PRKN: variants seen among roughly 807,000 people sequenced by gnomAD.
PRKN encodes E3 ubiquitin-protein ligase parkin.
Under a neutral mutation model 59.5 loss-of-function variants are expected in PRKN, and 56 were observed. The ratio of observed to expected loss-of-function variants is 0.94; its 90% confidence interval spans 0.76 to 1.18. PRKN has a LOEUF of 1.18. Ranked by LOEUF, PRKN falls within the 50% of genes most tolerant of loss-of-function variation. The probability of loss-of-function intolerance (pLI) is 0.00; values close to 1 mark genes in which losing one functional copy is unlikely to be tolerated. For missense variants in PRKN, 657 were observed against 596.4 expected (o/e 1.10, Z -1.06); for synonymous variants, 250 against 222.1 (o/e 1.13, Z -1.12).
chr6:162,310,210 C>G (rs988447428), intron 2 of PRKN, among the ~76,000 whole-genome samples: 1 of 152,136 alleles, frequency 6.6e-6, no homozygotes, highest in Non-Finnish European at 1.5e-5. Flanking sequence ...GGATACTTCC[C>G]TCATGTCACA....
chr6:161,956,044 C>A (rs1017247261), intron 6 of PRKN, among the ~76,000 whole-genome samples: 1 of 152,130 alleles, frequency 6.6e-6, no homozygotes. Flanking sequence ...CCTACAATAT[C>A]CCCCTTTCAG....
rs190792895 is a variant in PRKN, at chr6:161,490,556, A to G, written c.1083+58298T>C. On this transcript the variant is annotated intron_variant, in intron 9 of 11. Coordinates refer to ENST00000366898, the MANE Select transcript of PRKN (RefSeq NM_004562.3). ...CAGGCAGGCACCACCACGCTCAGCT[A>G]ATTTTTGTATTTTTAGTAGAGATGG... is the stretch of plus-strand genomic sequence containing the variant. Among the ~76,000 whole-genome samples, 824 of 151,834 alleles carry G rather than the reference A, an allele frequency of 5.4e-3. 9 individuals are homozygous for G. The highest frequency in any genetic ancestry group is 0.024 in the Middle Eastern group (7 of 294).
intron 1 of PRKN, among the ~76,000 whole-genome samples, chr6:162,607,314 C>T (rs1034470141): frequency 2.0e-5 from 3 of 152,140 alleles, no homozygotes; most frequent in African/African-American, 7.2e-5. Context: ...GAGCTTGTGT[C>T]ACCAAAGCCT....
At chr6:162,224,926 T>C (rs923264596) in intron 3 of PRKN, among the ~76,000 whole-genome samples, 11 of 152,214 alleles carry the variant, frequency 7.2e-5, no homozygotes, top group Admixed American at 2.0e-4. Context: ...CCTGGGTTAG[T>C]GGTACCCGAA....
chr6:162,720,033 A>G (rs879697330), intron 1 of PRKN, among the ~76,000 whole-genome samples: 1 of 152,168 alleles, frequency 6.6e-6, no homozygotes, highest in Non-Finnish European at 1.5e-5. Flanking sequence ...GATCTGGAAA[A>G]TGGATCTACT....
Position 161,696,581 on chromosome 6 carries a change from G to A in PRKN, c.871+89191C>T, listed in dbSNP as rs370353879. Among the ~76,000 whole-genome samples the A allele has an allele frequency of 1.9e-3, 291 of 152,250 alleles. 1 individual carries two copies. The highest frequency in any genetic ancestry group is 2.2e-3 in the Non-Finnish European group (149 of 68,012). ...TTTAGTGGTCAACTTGGAGGCTAAC[G>A]TTGGTCTTTCTATTTCTGTAACAGC... On this transcript the variant is annotated intron_variant, in intron 7 of 11. Transcript: ENST00000366898.
At chr6:161,944,099 A>G (rs926140406) in intron 6 of PRKN, among the ~76,000 whole-genome samples, 2 of 134,002 alleles carry the variant, frequency 1.5e-5, no homozygotes, top group African/African-American at 3.1e-5. Context: ...CTGAGGGATC[A>G]GCCTGAGGAA....
In PRKN at chr6:161,785,854, A is replaced by C; in HGVS notation, c.789T>G (p.Cys263Trp). Residue 263 changes from cysteine to tryptophan, a missense_variant, in exon 7 of 12, where the codon TGT becomes TGG. Coordinates refer to ENST00000366898, the MANE Select transcript of PRKN (RefSeq NM_004562.3). ...GTCTTGTCACACAGTATAAGTGGAA[A>C]CAGTCTAAGCAAATCACGTGGCGGG... The part of the protein sequence containing the change: ...CNSRHVICLD[C>W]FHLYCVTRLN... The C allele has an allele frequency of 6.2e-7, 1 of 1,614,194 alleles. No individual in the cohort carries two copies. Among genetic ancestry groups the C allele is most frequent in the Non-Finnish European group, 8.5e-7 (1 of 1,180,000 alleles).
At chr6:162,246,318 C>T (rs1198135828) in intron 3 of PRKN, among the ~76,000 whole-genome samples, 1 of 152,144 alleles carries the variant, frequency 6.6e-6, no homozygotes, top group Non-Finnish European at 1.5e-5. Flanking sequence ...TGAGAGGAAA[C>T]GGAGAAGACG....
chr6:162,006,858 G>C (rs7768986), intron 5 of PRKN, among the ~76,000 whole-genome samples: 84,902 of 151,842 alleles, frequency 0.56, 23,890 homozygotes, highest in Admixed American at 0.62. Context: ...GACATACTGC[G>C]CCCAATGAAC....
At chr6:162,321,349 T>A (rs952230010) in intron 2 of PRKN, among the ~76,000 whole-genome samples, 4 of 151,908 alleles carry the variant, frequency 2.6e-5, no homozygotes, top group Non-Finnish European at 5.9e-5. Context: ...AAAACTTGAA[T>A]AGACTTATGT....
At position 161,378,669 on chromosome 6, in the gene PRKN, A is replaced by G. The variant is rs1332329434; in HGVS notation, c.1167+8125T>C. Among the ~76,000 whole-genome samples, 1 of 152,206 alleles carries G rather than the reference A, an allele frequency of 6.6e-6. No individual in the cohort carries two copies. Among genetic ancestry groups the G allele is most frequent in the African/African-American group, 2.4e-5 (1 of 41,460 alleles). ...TACCCATGGGAACACTGGTCCTGTC[A>G]CACATCCTACTGCCCAGAAGCTGTT... On this transcript the variant is annotated intron_variant, in intron 10 of 11. Transcript: ENST00000366898. This position sits in a 1 kb window ranked among gnomAD's most constrained non-coding sequence, Gnocchi z 7.3.
intron 1 of PRKN, among the ~76,000 whole-genome samples, chr6:162,636,021 G>T (rs1777698136): frequency 6.6e-6 from 1 of 152,116 alleles, no homozygotes; most frequent in Non-Finnish European, 1.5e-5. Flanking sequence ...AAGGAATTCT[G>T]TAAAAATTAA....
At chr6:161,762,697 C>A (rs1463891226) in intron 7 of PRKN, among the ~76,000 whole-genome samples, 2 of 152,130 alleles carry the variant, frequency 1.3e-5, no homozygotes, top group Non-Finnish European at 2.9e-5. Flanking sequence ...TACTATAGAG[C>A]TATGAAATGC....
At chr6:162,681,160 G>C (rs543485697) in intron 1 of PRKN, among the ~76,000 whole-genome samples, 5 of 152,076 alleles carry the variant, frequency 3.3e-5, no homozygotes, top group Non-Finnish European at 7.4e-5. Flanking sequence ...ATGAAAAATC[G>C]TAAGAATGTG....
intron 6 of PRKN, among the ~76,000 whole-genome samples, chr6:161,881,491 C>T (rs1043545040): frequency 6.6e-6 from 1 of 152,196 alleles, no homozygotes; most frequent in Admixed American, 6.5e-5. Context: ...TCACACACGA[C>T]CAGATTCCAT....
At chr6:162,632,634 T>C (rs1209392247) in intron 1 of PRKN, among the ~76,000 whole-genome samples, 1 of 152,128 alleles carries the variant, frequency 6.6e-6, no homozygotes, top group Non-Finnish European at 1.5e-5. Flanking sequence ...TGTACTCCTG[T>C]ATCTAAGATA....
At chr6:161,718,149 C>A (rs1249418026) in intron 7 of PRKN, among the ~76,000 whole-genome samples, 1 of 152,036 alleles carries the variant, frequency 6.6e-6, no homozygotes, top group Non-Finnish European at 1.5e-5. Context: ...CTTAGTTGAG[C>A]CTATTAATAA....
At chr6:162,065,625 G>T (rs543457517) in intron 4 of PRKN, among the ~76,000 whole-genome samples, 14 of 152,066 alleles carry the variant, frequency 9.2e-5, no homozygotes, top group African/African-American at 3.4e-4. Context: ...CAACGTGCAG[G>T]TTTGTTACAT....
Sources: allele counts gnomAD v4.1 joint callset (sites outside exome capture counted in the v4.1 genomes callset), GRCh38; gene constraint gnomAD v4.1.1; non-coding constraint Gnocchi (gnomAD v3.1); transcripts MANE v1.5; gene names NCBI Gene and HGNC (gene_info 2026-07-23, HGNC 2026-07-21).